PARD3B: variants seen among roughly 807,000 people sequenced by gnomAD.
PARD3B encodes par-3 family cell polarity regulator beta.
Under a neutral mutation model 130.2 loss-of-function variants are expected in PARD3B, and 103 were observed. That is an observed-to-expected ratio of 0.79 (90% CI 0.67 to 0.93). The LOEUF is 0.93. PARD3B is among the 40% of genes least tolerant of loss of function. The pLI, the probability that PARD3B is intolerant of heterozygous loss-of-function variation, is 0.00. For synonymous variants in PARD3B, 583 were observed against 553.2 expected, an observed-to-expected ratio of 1.05 and a Z score of -0.76; for missense variants, 1,609 against 1,499.2, an observed-to-expected ratio of 1.07 and a Z score of -1.21.
intron 3 of PARD3B, among the ~76,000 whole-genome samples, chr2:205,009,321 G>C (rs1299045469): frequency 2.6e-5 from 4 of 152,124 alleles, no homozygotes; most frequent in Admixed American, 2.6e-4. Context: ...ATTGAGTAGA[G>C]AAAAACATAC....
chr2:205,237,153 G>T (rs1368077264), intron 15 of PARD3B, among the ~76,000 whole-genome samples: 1 of 152,206 alleles, frequency 6.6e-6, no homozygotes, highest in East Asian at 1.9e-4. Context: ...AGGCTAGGGT[G>T]CAATGACGCG....
At chr2:204,568,898 T>C (rs1448119457) in intron 1 of PARD3B, among the ~76,000 whole-genome samples, 2 of 150,664 alleles carry the variant, frequency 1.3e-5, no homozygotes, top group African/African-American at 4.9e-5. Flanking sequence ...GAGGTTGCAG[T>C]GAGCTGAGAT....
At chr2:204,546,162 C>T (rs2029918624) in intron 1 of PARD3B, 43 bp downstream of exon 1, 1 of 1,548,210 alleles carries the variant, frequency 6.5e-7, no homozygotes, top group Non-Finnish European at 8.7e-7. Context: ...GCAGCCAAGG[C>T]ACCTGCCAGG....
intron 2 of PARD3B, among the ~76,000 whole-genome samples, chr2:204,773,122 T>C (rs1166269484): frequency 6.6e-6 from 1 of 152,028 alleles, no homozygotes; most frequent in Non-Finnish European, 1.5e-5. Context: ...TTTAACAAAC[T>C]GGTAAAAGAT....
intron 3 of PARD3B, among the ~76,000 whole-genome samples, chr2:205,018,092 T>C (rs1350339993): frequency 1.3e-5 from 2 of 152,180 alleles, no homozygotes; most frequent in East Asian, 3.9e-4. Flanking sequence ...TTAATGCCTT[T>C]AAGGCATTCA....
intron 2 of PARD3B, among the ~76,000 whole-genome samples, chr2:204,750,596 A>C (rs1342488418): frequency 2.7e-5 from 2 of 72,768 alleles, no homozygotes; most frequent in Non-Finnish European, 5.1e-5. Flanking sequence ...AAAAATACAC[A>C]CATACATACA....
chr2:205,499,888 T>A lies in PARD3B; in HGVS notation c.3045-8T>A, dbSNP rs768101548. The A allele has an allele frequency of 6.2e-7, 1 of 1,613,130 alleles. No homozygotes were observed. The highest frequency in any genetic ancestry group is 1.1e-5 in the South Asian group (1 of 91,022). On this transcript the variant is annotated splice_region_variant and splice_polypyrimidine_tract_variant and intron_variant, in intron 20 of 22. Transcript: ENST00000406610. ...GTGTGAATCTGATTATTTGTCTATA[T>A]CCTGTAGTGGCCGTCCTACGGGTGG...
intron 2 of PARD3B, among the ~76,000 whole-genome samples, chr2:204,917,433 G>C (rs1248859155): frequency 2.6e-5 from 4 of 152,160 alleles, no homozygotes; most frequent in Admixed American, 2.6e-4. Context: ...TGTGAGGAGT[G>C]AGAGGACCAG....
intron 4 of PARD3B, among the ~76,000 whole-genome samples, chr2:205,080,921 A>G (rs140423062): frequency 1.3e-5 from 2 of 152,144 alleles, no homozygotes; most frequent in East Asian, 3.9e-4. Context: ...TGTTTATTTT[A>G]TGAAGACTTA....
chr2:204,603,659 C>G (rs773815518), intron 1 of PARD3B, among the ~76,000 whole-genome samples: 4 of 152,022 alleles, frequency 2.6e-5, no homozygotes, highest in Non-Finnish European at 5.9e-5. Context: ...GATTTAAAAA[C>G]TCCACTTTAC....
intron 2 of PARD3B, among the ~76,000 whole-genome samples, chr2:204,701,926 A>G (rs115725517): frequency 0.019 from 2,909 of 151,974 alleles, 43 homozygotes; most frequent in Middle Eastern, 0.071. Flanking sequence ...CCCAATGTCT[A>G]TTGTTGCCAT....
intron 3 of PARD3B, among the ~76,000 whole-genome samples, chr2:205,047,089 G>A (rs79359443): frequency 0.064 from 9,716 of 152,192 alleles, 341 homozygotes; most frequent in Middle Eastern, 0.18. Context: ...TACTTAAATA[G>A]GCATTAATGT....
At chr2:205,359,243 T>G (rs1434838934) in intron 18 of PARD3B, among the ~76,000 whole-genome samples, 1 of 152,198 alleles carries the variant, frequency 6.6e-6, no homozygotes, top group African/African-American at 2.4e-5. Flanking sequence ...TGTCAGCAAG[T>G]TAATAATTCA....
At chr2:204,696,450 A>T (rs79635965) in intron 2 of PARD3B, among the ~76,000 whole-genome samples, 1 of 152,030 alleles carries the variant, frequency 6.6e-6, no homozygotes, top group Non-Finnish European at 1.5e-5. Context: ...TGGTTCTCCT[A>T]TTTCCAGGAC....
chr2:205,464,214 T>C (rs994486913), intron 20 of PARD3B, among the ~76,000 whole-genome samples: 10 of 152,126 alleles, frequency 6.6e-5, no homozygotes, highest in Non-Finnish European at 5.9e-5. Flanking sequence ...CACTGTGCAT[T>C]GTGCATAGGA....
Position 205,091,939 on chromosome 2 carries a change from A to G in PARD3B, c.505-12487A>G, listed in dbSNP as rs528624947. On this transcript the variant is annotated intron_variant, in intron 4 of 22. Coordinates refer to ENST00000406610, the MANE Select transcript of PARD3B (RefSeq NM_001302769.2). This position sits in a 1 kb window ranked among gnomAD's most constrained non-coding sequence, Gnocchi z 4.2. ...TGAACTGAATGATTCCTGTTTTGCT[A>G]TGGGTTTGCTAGCCCTGTTATTTCT... is the stretch of plus-strand genomic sequence containing the variant. Among the ~76,000 whole-genome samples, 7 of 152,258 alleles carry G rather than the reference A, an allele frequency of 4.6e-5. No individual in the cohort carries two copies. Among genetic ancestry groups the G allele is most frequent in the South Asian group, 2.1e-4 (1 of 4,826 alleles).
intron 19 of PARD3B, among the ~76,000 whole-genome samples, chr2:205,436,578 T>G (rs1275703110): frequency 2.0e-5 from 3 of 152,146 alleles, no homozygotes; most frequent in South Asian, 4.2e-4. Context: ...CGGAAGTTTT[T>G]TTTAATTTTC....
chr2:204,986,237 T>A (rs562017139), intron 3 of PARD3B, among the ~76,000 whole-genome samples: 2 of 152,142 alleles, frequency 1.3e-5, no homozygotes, highest in African/African-American at 4.8e-5. Context: ...CTTTGCTGAC[T>A]GCAAGGAAAG....
chr2:204,758,082 AT>A (rs1197127023), intron 2 of PARD3B, among the ~76,000 whole-genome samples: 1 of 152,152 alleles, frequency 6.6e-6, no homozygotes, highest in Non-Finnish European at 1.5e-5. Context: ...CACCATATGC[AT>A]TCAGCCTAGC....
Sources: allele counts gnomAD v4.1 joint callset (sites outside exome capture counted in the v4.1 genomes callset), GRCh38; gene constraint gnomAD v4.1.1; non-coding constraint Gnocchi (gnomAD v3.1); transcripts MANE v1.5; gene names NCBI Gene and HGNC (gene_info 2026-07-23, HGNC 2026-07-21).